Variants in TUSC3 observed in about 807,000 individuals in gnomAD.
The protein encoded by TUSC3 is dolichyl-diphosphooligosaccharide--protein glycosyltransferase subunit TUSC3.
Under a neutral mutation model 44.8 loss-of-function variants are expected in TUSC3, and 45 were observed. That is an observed-to-expected ratio of 1.00 (90% confidence interval 0.79 to 1.29). The LOEUF (loss-of-function observed/expected upper bound fraction) is 1.29. Among genes scored for constraint, TUSC3 ranks in the 50% most tolerant of loss-of-function variants. The pLI, the probability that TUSC3 is intolerant of heterozygous loss-of-function variation, is 0.00. For synonymous variants in TUSC3, 212 were observed against 152.9 expected (o/e 1.39, Z -2.85); for missense variants, 519 against 437.9 (o/e 1.19, Z -1.65).
chr8:15,828,596 A>G, the TUSC3 span, among the ~76,000 whole-genome samples: 16,136 of 152,318 alleles, frequency 0.11, 962 homozygotes, highest in East Asian at 0.25. Context: ...TTACAAAGGC[A>G]TGCATCTATT....
At chr8:15,750,105 G>A (rs912211878) in intron 9 of TUSC3, among the ~76,000 whole-genome samples, 4 of 150,466 alleles carry the variant, frequency 2.7e-5, no homozygotes, top group Non-Finnish European at 5.9e-5. Context: ...TCAGCCTCCC[G>A]AGTAGCTGGG....
At chr8:15,581,991 G>T (rs749590889) in intron 1 of TUSC3, among the ~76,000 whole-genome samples, 5 of 151,804 alleles carry the variant, frequency 3.3e-5, no homozygotes, top group Admixed American at 1.3e-4. Context: ...TCTGAGCCAG[G>T]TGTGGGATAT....
intron 2 of TUSC3, among the ~76,000 whole-genome samples, chr8:15,534,815 G>T (rs1801501022): frequency 6.6e-6 from 1 of 152,182 alleles, no homozygotes; most frequent in Non-Finnish European, 1.5e-5. Context: ...TGACGTACAG[G>T]AATCAGAAGT....
At chr8:15,529,788 G>GTT (rs35344827) in intron 2 of TUSC3, among the ~76,000 whole-genome samples, 10,935 of 106,896 alleles carry the variant, frequency 0.1, 1,073 homozygotes, top group East Asian at 0.27. Flanking sequence ...CTGTGAAAAA[G>GTT]TTTTTTTTTT....
intron 9 of TUSC3, among the ~76,000 whole-genome samples, chr8:15,755,246 T>C (rs558492549): frequency 3.1e-4 from 47 of 152,242 alleles, no homozygotes; most frequent in African/African-American, 1.1e-3. Context: ...TAAATGGAGA[T>C]GATTTGTCAT....
the TUSC3 span, among the ~76,000 whole-genome samples, chr8:15,829,669 A>C: frequency 7.2e-5 from 11 of 151,972 alleles, no homozygotes; most frequent in Non-Finnish European, 1.6e-4. Context: ...TCATATTTAA[A>C]ATATCTTTAA....
intron 3 of TUSC3, among the ~76,000 whole-genome samples, chr8:15,654,878 T>G (rs1391508166): frequency 6.6e-6 from 1 of 152,176 alleles, no homozygotes; most frequent in African/African-American, 2.4e-5. Context: ...GGTAATGAAG[T>G]GTCTAGAGTC....
the TUSC3 span, among the ~76,000 whole-genome samples, chr8:15,815,533 G>C: frequency 6.6e-6 from 1 of 152,238 alleles, no homozygotes; most frequent in African/African-American, 2.4e-5. Flanking sequence ...AAAACAATAT[G>C]TAGGAGAAAT....
intron 1 of TUSC3, among the ~76,000 whole-genome samples, chr8:15,554,559 T>C (rs1802170241): frequency 6.6e-6 from 1 of 151,254 alleles, no homozygotes; most frequent in South Asian, 2.1e-4. Flanking sequence ...CTAACCTATT[T>C]GGATTGTTTC....
chr8:15,757,514 T>A (rs1318646447), intron 9 of TUSC3, among the ~76,000 whole-genome samples: 4 of 152,186 alleles, frequency 2.6e-5, no homozygotes, highest in African/African-American at 9.7e-5. Flanking sequence ...AATGGTGTGA[T>A]GATCAGCCCA....
At chr8:15,725,968 C>A (rs1450342378) in intron 6 of TUSC3, among the ~76,000 whole-genome samples, 1 of 152,110 alleles carries the variant, frequency 6.6e-6, no homozygotes, top group African/African-American at 2.4e-5. Flanking sequence ...TGGAAACTGA[C>A]TTCTAAGTTT....
intron 9 of TUSC3, among the ~76,000 whole-genome samples, chr8:15,755,962 T>C (rs1157212590): frequency 1.3e-5 from 2 of 152,174 alleles, no homozygotes; most frequent in African/African-American, 4.8e-5. Flanking sequence ...AAGATGTCTG[T>C]AGTAACATCT....
chr8:15,650,895 T>C (rs545748446), intron 3 of TUSC3, 81 bp downstream of exon 3: 55 of 1,437,174 alleles, frequency 3.8e-5, no homozygotes, highest in Non-Finnish European at 5.2e-5. Context: ...AAAAATACAA[T>C]TCATTCATCG....
intron 6 of TUSC3, among the ~76,000 whole-genome samples, chr8:15,724,489 T>A (rs1191931877): frequency 2.0e-5 from 3 of 152,156 alleles, no homozygotes; most frequent in Non-Finnish European, 2.9e-5. Context: ...CCCTTTGACT[T>A]CTTAGAAGTG....
Position 15,426,975 on chromosome 8 carries a change from A to C in TUSC3, n.91+9670A>C, listed in dbSNP as rs552073949. On this transcript the variant is annotated intron_variant and non_coding_transcript_variant, in intron 1 of 5. Transcript: ENST00000503191. Reference sequence around the variant, plus strand: ...ATTTCCCTGAGCATTAGTGATGTTGAGGGTATTTTCATATACCTGGTTGGC... The same window carrying C: ...ATTTCCCTGAGCATTAGTGATGTTGCGGGTATTTTCATATACCTGGTTGGC... Among the ~76,000 whole-genome samples the C allele has an allele frequency of 1.7e-4, 26 of 152,214 alleles. No homozygotes were observed. The South Asian group carries it at 3.1e-3, about 18-fold the overall frequency.
chr8:15,739,944 A>G (rs1277490312), intron 7 of TUSC3, among the ~76,000 whole-genome samples: 5 of 152,184 alleles, frequency 3.3e-5, no homozygotes, highest in African/African-American at 7.2e-5. Context: ...GGTAATGTCT[A>G]CATCAGAGAG....
At chr8:15,817,367 G>T in the TUSC3 span, among the ~76,000 whole-genome samples, 1 of 151,258 alleles carries the variant, frequency 6.6e-6, no homozygotes, top group Non-Finnish European at 1.5e-5. Flanking sequence ...AAGAAGGCTT[G>T]AAATGCACAT....
At chr8:15,474,187 T>G (rs937561193) in intron 1 of TUSC3, among the ~76,000 whole-genome samples, 2 of 152,174 alleles carry the variant, frequency 1.3e-5, no homozygotes, top group Non-Finnish European at 2.9e-5. Context: ...TCACAGGCAG[T>G]CAGACCTTAT....
At chr8:15,441,236 G>C (rs566847075) in intron 1 of TUSC3, among the ~76,000 whole-genome samples, 2 of 152,068 alleles carry the variant, frequency 1.3e-5, no homozygotes, top group Non-Finnish European at 2.9e-5. Context: ...ACGAAACCCC[G>C]TCTCTACTGA....
Sources: gnomAD v4.1 joint callset for allele counts (sites outside exome capture counted in the v4.1 genomes callset) on GRCh38, gnomAD v4.1.1 for gene constraint, MANE v1.5 for transcripts, NCBI Gene and HGNC (gene_info 2026-07-23, HGNC 2026-07-21) for gene names.